WWOX: variants seen among roughly 807,000 people sequenced by gnomAD.
The protein encoded by WWOX is WW domain containing oxidoreductase.
Under a neutral mutation model 46.2 loss-of-function variants are expected in WWOX, and 69 were observed. The ratio of observed to expected loss-of-function variants is 1.49; its 90% CI spans 1.23 to 1.82. WWOX has a LOEUF of 1.82. Ranked by LOEUF, WWOX falls within the 40% of genes most tolerant of loss-of-function variation. The pLI is 0.00. For synonymous variants in WWOX, 359 were observed against 202.6 expected (o/e 1.77, Z -6.56); for missense variants, 919 against 542.6 (o/e 1.69, Z -6.89).
At chr16:79,185,571 C>T (rs1333765545) in intron 8 of WWOX, among the ~76,000 whole-genome samples, 2 of 152,172 alleles carry the variant, frequency 1.3e-5, no homozygotes, top group Admixed American at 6.5e-5. Context: ...GCTCGCCGCA[C>T]AGATCTCATG....
At chr16:79,166,433 T>C (rs2050595815) in intron 8 of WWOX, among the ~76,000 whole-genome samples, 1 of 152,176 alleles carries the variant, frequency 6.6e-6, no homozygotes, top group South Asian at 2.1e-4. Context: ...TGATAAATCC[T>C]CCCTCCTTTG....
At chr16:78,533,008 G>A (rs1034582353) in intron 8 of WWOX, among the ~76,000 whole-genome samples, 4 of 152,234 alleles carry the variant, frequency 2.6e-5, no homozygotes, top group African/African-American at 9.6e-5. Flanking sequence ...GTCACAGGCT[G>A]ATGGGAGCTG....
chr16:78,778,018 C>G (rs959726483), intron 8 of WWOX, among the ~76,000 whole-genome samples: 1 of 148,482 alleles, frequency 6.7e-6, no homozygotes, highest in African/African-American at 2.5e-5. Flanking sequence ...GCACTCCAGC[C>G]TGGGTGACAG....
At chr16:79,094,701 A>G (rs1373294571) in intron 8 of WWOX, among the ~76,000 whole-genome samples, 2 of 152,158 alleles carry the variant, frequency 1.3e-5, no homozygotes, top group South Asian at 2.1e-4. Flanking sequence ...AAGGATACAT[A>G]TATAAACTTA....
chr16:78,453,935 T>C (rs56384948), intron 8 of WWOX, among the ~76,000 whole-genome samples: 18,193 of 152,184 alleles, frequency 0.12, 1,680 homozygotes, highest in African/African-American at 0.25. Flanking sequence ...CAATTATTTC[T>C]ACCAAGTCCA....
In WWOX at chr16:78,441,860, T is replaced by A. The variant is rs1294979296; in HGVS notation, c.1056+9108T>A. Among the ~76,000 whole-genome samples the A allele has an allele frequency of 3.9e-5, 6 of 152,048 alleles. No individual in the cohort carries two copies. In the East Asian group the frequency reaches 9.6e-4, roughly 24 times the overall value. On this transcript the variant is annotated intron_variant, in intron 8 of 8. Transcript: ENST00000566780. ...GATTATGAATGTTCAGCATTCAGAA[T>A]ATACTAGATACTCAATAACCATTAT...
At chr16:78,752,372 C>G (rs879839122) in intron 8 of WWOX, among the ~76,000 whole-genome samples, 1 of 152,210 alleles carries the variant, frequency 6.6e-6, no homozygotes, top group South Asian at 2.1e-4. Context: ...ACTGCAACCT[C>G]TGCCTCCTGG....
intron 8 of WWOX, among the ~76,000 whole-genome samples, chr16:78,475,240 C>G (rs567171106): frequency 1.3e-5 from 2 of 152,214 alleles, no homozygotes; most frequent in East Asian, 1.9e-4. Context: ...ATGCTGGAAG[C>G]TGCTGCTGCT....
At chr16:79,054,298 C>G (rs941246018) in intron 8 of WWOX, among the ~76,000 whole-genome samples, 6 of 152,096 alleles carry the variant, frequency 3.9e-5, no homozygotes, top group Non-Finnish European at 2.9e-5. Flanking sequence ...TAGTTAGGCC[C>G]GCAAAACATA....
chr16:78,902,483 G>A (rs72804751), intron 8 of WWOX, among the ~76,000 whole-genome samples: 40,453 of 151,992 alleles, frequency 0.27, 6,114 homozygotes, highest in Non-Finnish European at 0.35. Context: ...TAGGGTTAAG[G>A]CATTTCACAA....
chr16:78,788,767 G>C (rs1166237068), intron 8 of WWOX, among the ~76,000 whole-genome samples: 1 of 152,200 alleles, frequency 6.6e-6, no homozygotes, highest in East Asian at 1.9e-4. Flanking sequence ...AAGCCCCTCA[G>C]CCAGACATTC....
intron 8 of WWOX, among the ~76,000 whole-genome samples, chr16:78,835,295 C>G (rs1412838966): frequency 6.6e-6 from 1 of 152,176 alleles, no homozygotes; most frequent in Non-Finnish European, 1.5e-5. Flanking sequence ...TAGCTTTTAT[C>G]CCTTTAACTA....
At position 78,346,320 on chromosome 16, in the gene WWOX, G is replaced by A. The variant is rs1023000496; in HGVS notation, c.517-40540G>A. Among the ~76,000 whole-genome samples, 3 of 121,266 alleles carry A rather than the reference G, an allele frequency of 2.5e-5. 1 individual carries two copies. The highest frequency in any genetic ancestry group is 5.9e-5 in the Non-Finnish European group (3 of 50,646). The allele number at this position is 121,266 out of a possible 152,430, so 79.6% of individuals were successfully genotyped here. A position where few individuals can be genotyped will look rare whatever the true frequency, so the allele number is the denominator to read the frequency against. On this transcript the variant is annotated intron_variant, in intron 5 of 8. Coordinates refer to ENST00000566780, the MANE Select transcript of WWOX (RefSeq NM_016373.4). ...GGGTTCTTCCCAGTTTTTAGCTGTT[G>A]TAAATGGATACTAATGTGAACGAAG...
At chr16:78,501,284 G>A (rs1597174132) in intron 8 of WWOX, among the ~76,000 whole-genome samples, 1 of 145,360 alleles carries the variant, frequency 6.9e-6, no homozygotes, top group East Asian at 2.0e-4. Flanking sequence ...CAGACCCCTT[G>A]GTTCAGATAT....
intron 8 of WWOX, among the ~76,000 whole-genome samples, chr16:78,582,233 G>A (rs150751789): frequency 1.5e-4 from 23 of 152,290 alleles, no homozygotes; most frequent in African/African-American, 3.8e-4. Flanking sequence ...GCCAAAGTGT[G>A]TCAGGTGAAG....
intron 8 of WWOX, among the ~76,000 whole-genome samples, chr16:78,841,176 C>T (rs920427562): frequency 6.6e-6 from 1 of 152,156 alleles, no homozygotes; most frequent in African/African-American, 2.4e-5. Context: ...CTGGGTCTTC[C>T]AGAAATGCAG....
chr16:78,207,094 A>G (rs186535329), intron 5 of WWOX, among the ~76,000 whole-genome samples: 1 of 152,340 alleles, frequency 6.6e-6, no homozygotes, highest in Admixed American at 6.5e-5. Flanking sequence ...GATTAATTCT[A>G]CATTGTCTAC....
intron 8 of WWOX, among the ~76,000 whole-genome samples, chr16:78,660,324 A>G (rs1365341664): frequency 6.6e-6 from 1 of 152,176 alleles, no homozygotes; most frequent in Non-Finnish European, 1.5e-5. Flanking sequence ...TCCCTGGCAG[A>G]CAGTGGTTCA....
intron 8 of WWOX, among the ~76,000 whole-genome samples, chr16:78,973,325 C>T (rs2046508622): frequency 6.6e-6 from 1 of 152,108 alleles, no homozygotes; most frequent in African/African-American, 2.4e-5. Flanking sequence ...CTAGTGGAGA[C>T]AGCCGGGTAG....
Sources: allele counts gnomAD v4.1 joint callset (sites outside exome capture counted in the v4.1 genomes callset), GRCh38; gene constraint gnomAD v4.1.1; transcripts MANE v1.5; gene names NCBI Gene and HGNC (gene_info 2026-07-23, HGNC 2026-07-21).